The following SLA variants were observed in gnomAD, a reference collection of about 807,000 sequenced individuals.
SLA encodes src-like-adapter.
A neutral mutation model predicts 30.3 loss-of-function variants in SLA; 16 were observed. The ratio of observed to expected loss-of-function variants is 0.53; its 90% CI spans 0.36 to 0.80. The LOEUF (loss-of-function observed/expected upper bound fraction) is 0.80. Among genes scored for constraint, SLA ranks in the 30% least tolerant of loss-of-function variants. SLA has a pLI of 0.01. For synonymous variants in SLA, 143 were observed against 137.8 expected (o/e 1.04, Z -0.26); for missense variants, 310 against 345.2 (o/e 0.90, Z 0.81).
At chr8:133,081,800 C>T (rs1357560115) in intron 1 of SLA, among the ~76,000 whole-genome samples, 2 of 152,136 alleles carry the variant, frequency 1.3e-5, no homozygotes, top group Non-Finnish European at 2.9e-5. Flanking sequence ...CTGAGCAGGA[C>T]CCAATTTCAG....
At chr8:133,053,330 A>AT (rs1177714041) in intron 3 of SLA, among the ~76,000 whole-genome samples, 11 of 152,242 alleles carry the variant, frequency 7.2e-5, no homozygotes, top group African/African-American at 2.7e-4. Context: ...GGAGGGCAGA[A>AT]TACTGGTGTC....
rs560294311 is a variant in SLA at position 133,062,925 on chromosome 8, T to C, written c.-40-2725A>G. 2.0e-5 allele frequency among the ~76,000 whole-genome samples: 3 copies of C among 152,338 alleles called. No individual in the cohort carries two copies. In the East Asian group the frequency reaches 5.8e-4, roughly 29 times the overall value. ...ACGCACAGGCCTTGGGAAACACACA[T>C]GTGACATGCACAGGCTGTCCTGCAC... On this transcript the variant is annotated intron_variant, in intron 2 of 8. Coordinates refer to ENST00000338087, the MANE Select transcript of SLA (RefSeq NM_001045556.3).
At chr8:133,087,354 A>G (rs1846757952) in intron 1 of SLA, among the ~76,000 whole-genome samples, 1 of 152,126 alleles carries the variant, frequency 6.6e-6, no homozygotes, top group African/African-American at 2.4e-5. Flanking sequence ...TATGAAAAGG[A>G]TTGCATTTGT....
chr8:133,093,366 T>TA (rs150512945), intron 1 of SLA, among the ~76,000 whole-genome samples: 10,282 of 152,146 alleles, frequency 0.068, 1,146 homozygotes, highest in African/African-American at 0.23. Flanking sequence ...CTCTCTCTTT[T>TA]AAAAATGCTG....
intron 1 of SLA, among the ~76,000 whole-genome samples, chr8:133,101,632 A>G (rs897615558): frequency 1.8e-4 from 28 of 152,224 alleles, no homozygotes; most frequent in African/African-American, 6.3e-4. Flanking sequence ...TTGTAACACC[A>G]ACACCTGTTT....
rs1837480264 is a variant in SLA at position 133,038,439 on chromosome 8, C to A, written c.*85G>T. 2 of 1,081,344 alleles carry A rather than the reference C, an allele frequency of 1.8e-6. No homozygotes were observed. The highest frequency in any genetic ancestry group is 2.8e-6 in the Non-Finnish European group (2 of 704,706). 67.0% of individuals were successfully genotyped at this position (1,081,344 alleles called of 1,614,324 possible). ...TAAAATACGTGAGGCTCCCAGGGAT[C>A]AGGGAACCTCGCTTTTCGCAAGATC... On this transcript the variant is annotated 3_prime_UTR_variant, in exon 9 of 9. Coordinates refer to ENST00000338087, the MANE Select transcript of SLA (RefSeq NM_001045556.3).
intron 4 of SLA, 137 bp from the exon 5 acceptor site, chr8:133,050,125 C>G (rs962766100): frequency 1.4e-6 from 1 of 695,716 alleles, no homozygotes; most frequent in Non-Finnish European, 2.6e-6. Flanking sequence ...GCCACGTTAA[C>G]CCATATTTCG....
At position 133,060,112 on chromosome 8, in the gene SLA, G is replaced by A; in HGVS notation, c.49C>T (p.Pro17Ser). 2 of 1,605,484 alleles carry A rather than the reference G, an allele frequency of 1.2e-6. No individual in the cohort carries two copies. The highest frequency in any genetic ancestry group is 2.2e-5 in the South Asian group (2 of 89,904). The stretch of plus-strand genomic sequence containing the variant: ...AAGCCAGACTTACCCTCCGGGTTGG[G>A]CAGGGGCCTCTCGGCAGGCGCAGGG... ...STPAPAERPL[P>S]NPEGLDSDFL... is the part of the protein sequence containing the mutation. The change falls in exon 3 of 9, where the codon CCC (proline) becomes TCC (serine). Residue 17 changes from proline (P) to serine (S), a missense_variant. By Grantham distance (74) the Pro-to-Ser change is moderately conservative. Coordinates refer to ENST00000338087, the MANE Select transcript of SLA (RefSeq NM_001045556.3).
chr8:133,068,990 T>C (rs1484361576), intron 2 of SLA, among the ~76,000 whole-genome samples: 3 of 152,252 alleles, frequency 2.0e-5, no homozygotes, highest in Non-Finnish European at 1.5e-5. Context: ...TAGCAAACAT[T>C]GGCAATGAAG....
At chr8:133,084,574 G>A (rs1286707558) in intron 1 of SLA, among the ~76,000 whole-genome samples, 1 of 152,204 alleles carries the variant, frequency 6.6e-6, no homozygotes, top group Non-Finnish European at 1.5e-5. Flanking sequence ...ACAGCCAGAA[G>A]GTGACAGAGG....
At chr8:133,092,285 C>G (rs147257596) in intron 1 of SLA, among the ~76,000 whole-genome samples, 10 of 152,332 alleles carry the variant, frequency 6.6e-5, no homozygotes, top group Non-Finnish European at 1.5e-4. Flanking sequence ...GGTCAAGGCA[C>G]CTTACCATGT....
chr8:133,061,366 A>T (rs561120508), intron 2 of SLA, among the ~76,000 whole-genome samples: 1 of 152,336 alleles, frequency 6.6e-6, no homozygotes, highest in South Asian at 2.1e-4. Flanking sequence ...GTGTTGGGTT[A>T]TGGTCACAAA....
chr8:133,059,925 C>T (rs1006197), intron 3 of SLA, among the ~76,000 whole-genome samples, 175 bp downstream of exon 3: 28,534 of 152,256 alleles, frequency 0.19, 2,939 homozygotes, highest in Non-Finnish European at 0.23. Flanking sequence ...CAATTCTTTT[C>T]GTCTTTTAAT....
chr8:133,060,038 A>C, intron 3 of SLA, 62 bp downstream of exon 3: 1 of 1,493,770 alleles, frequency 6.7e-7, no homozygotes, highest in Non-Finnish European at 8.9e-7. Context: ...ACCACCGCCC[A>C]GTCTTTACCA....
chr8:133,045,253 C>T (rs1587860828), intron 6 of SLA, 138 bp from the exon 7 acceptor site: 1 of 780,926 alleles, frequency 1.3e-6, no homozygotes. Flanking sequence ...TGCAGCCCCT[C>T]CCTCCACTAG....
chr8:133,089,217 C>A (rs1436358470), intron 1 of SLA, among the ~76,000 whole-genome samples: 1 of 152,246 alleles, frequency 6.6e-6, no homozygotes, highest in Non-Finnish European at 1.5e-5. Flanking sequence ...GCCGAGCCAC[C>A]ATCCTGACAT....
chr8:133,057,774 C>CAAAAAAAAAAAAA (rs5895173), intron 3 of SLA, among the ~76,000 whole-genome samples: 1 of 142,020 alleles, frequency 7.0e-6, no homozygotes. Context: ...AAACAAAAAA[C>CAAAAAAAAAAAAA]AAAAAAAAAA....
At chr8:133,055,347 A>T (rs1841181545) in intron 3 of SLA, among the ~76,000 whole-genome samples, 1 of 86,110 alleles carries the variant, frequency 1.2e-5, no homozygotes. Flanking sequence ...CATCTTCAGG[A>T]CACACACACG....
At chr8:133,084,459 G>A (rs764686814) in intron 1 of SLA, among the ~76,000 whole-genome samples, 5 of 152,250 alleles carry the variant, frequency 3.3e-5, no homozygotes, top group East Asian at 1.9e-4. Context: ...GAAATAAGAG[G>A]GCAGCCATTG....
Sources: gnomAD v4.1 joint callset for allele counts (sites outside exome capture counted in the v4.1 genomes callset) on GRCh38, gnomAD v4.1.1 for gene constraint, MANE v1.5 for transcripts, NCBI Gene and HGNC (gene_info 2026-07-23, HGNC 2026-07-21) for gene names.